The following RORC variants were observed in gnomAD, a reference collection of about 807,000 sequenced individuals.
RORC encodes nuclear receptor ROR-gamma.
A neutral mutation model predicts 64.5 loss-of-function variants in RORC; 13 were observed. That is an observed-to-expected ratio of 0.20 (90% confidence interval 0.13 to 0.32). The LOEUF (loss-of-function observed/expected upper bound fraction) is 0.32, where lower values mean the gene tolerates loss of function less well. Ranked by LOEUF, RORC falls within the 10% of genes least tolerant of loss-of-function variation. RORC has a pLI of 1.00. For synonymous variants in RORC, 277 were observed against 259.3 expected (o/e 1.07, Z -0.65); for missense variants, 468 against 669.5 (o/e 0.70, Z 3.32).
intron 1 of RORC, chr1:151,831,272 T>C: frequency 4.1e-6 from 2 of 489,592 alleles, no homozygotes; most frequent in Non-Finnish European, 3.3e-6. Context: ...GTTTCTCCAC[T>C]GGTGAATGAA....
At chr1:151,822,162 C>T (rs1292812046) in intron 2 of RORC, among the ~76,000 whole-genome samples, 3 of 152,110 alleles carry the variant, frequency 2.0e-5, no homozygotes, top group East Asian at 1.9e-4. Context: ...CGATCCCCAC[C>T]GAGACCACAG....
At chr1:151,814,004 G>A (rs112583763) in intron 6 of RORC, 2,838 of 211,922 alleles carry the variant, frequency 0.013, 27 homozygotes, top group Non-Finnish European at 0.018. Flanking sequence ...TGTGTTTAGA[G>A]CAGGTGGTAT....
At chr1:151,818,725 A>G (rs1247428525) in intron 2 of RORC, among the ~76,000 whole-genome samples, 1 of 152,146 alleles carries the variant, frequency 6.6e-6, no homozygotes, top group African/African-American at 2.4e-5. Context: ...CTTTTAATCT[A>G]TGACGTGTCT....
intron 4 of RORC, among the ~76,000 whole-genome samples, 174 bp downstream of exon 4, chr1:151,816,490 G>C (rs1651758998): frequency 6.6e-6 from 1 of 152,206 alleles, no homozygotes; most frequent in Non-Finnish European, 1.5e-5. Flanking sequence ...AACTTTGATG[G>C]GGGTGACCCA....
At chr1:151,809,096 A>G (rs1651419742) in intron 10 of RORC, among the ~76,000 whole-genome samples, 1 of 152,138 alleles carries the variant, frequency 6.6e-6, no homozygotes, top group South Asian at 2.1e-4. Context: ...CAGCTACAGG[A>G]GGGCTGAGAA....
At chr1:151,817,880 T>A (rs949003965) in intron 2 of RORC, among the ~76,000 whole-genome samples, 1 of 152,236 alleles carries the variant, frequency 6.6e-6, no homozygotes, top group Non-Finnish European at 1.5e-5. Context: ...ACCCCAGCTC[T>A]GCTGGATGCC....
At position 151,815,098 on chromosome 1, in the gene RORC, C is replaced by T; in HGVS notation, c.626G>A (p.Gly209Asp). Residue 209 changes from glycine to aspartate, a missense_variant, in exon 5 of 11, where the codon GGC (glycine) becomes GAC (aspartate). By Grantham distance (94) the Gly-to-Asp change is moderately conservative. Around this residue, in one of 5 missense-constraint regions of RORC, gnomAD observed 241 missense variants for 295.5 expected, o/e 0.82. Transcript: ENST00000318247. ...SCHLEYSPER[G>D]KAEGRESFYS... ...GAAGCTCTCTCTGCCCTCAGCCTTG[C>T]CCCGCTCAGGGCTGTATTCAAGGTG... 1 of 1,614,232 alleles carries T rather than the reference C, an allele frequency of 6.2e-7. No homozygotes were observed. Among genetic ancestry groups the T allele is most frequent in the Non-Finnish European group, 8.5e-7 (1 of 1,180,040 alleles).
In RORC at chr1:151,810,634, C is replaced by T. The variant is rs148520939; in HGVS notation, c.1395+691G>A. On this transcript the variant is annotated intron_variant, in intron 10 of 10. Transcript: ENST00000318247. Reference sequence around the variant, plus strand: ...GCAACATCTGCCTCCCGGTTTCAAGCGATTATCCTGCCTCAGCCTCCCAAG... The same window carrying T: ...GCAACATCTGCCTCCCGGTTTCAAGTGATTATCCTGCCTCAGCCTCCCAAG... Among the ~76,000 whole-genome samples, 64 of 151,678 alleles carry T rather than the reference C, an allele frequency of 4.2e-4. 1 individual carries two copies. Among genetic ancestry groups the T allele is most frequent in the African/African-American group, 1.2e-3 (51 of 41,316 alleles).
intron 2 of RORC, among the ~76,000 whole-genome samples, chr1:151,819,136 A>T (rs1354799389): frequency 6.6e-6 from 1 of 152,120 alleles, no homozygotes; most frequent in African/African-American, 2.4e-5. Context: ...CTTTCCAGTA[A>T]ATTAAGAGCA....
At chr1:151,825,696 T>C (rs1311180249) in intron 2 of RORC, among the ~76,000 whole-genome samples, 6 of 152,114 alleles carry the variant, frequency 3.9e-5, no homozygotes, top group Non-Finnish European at 7.4e-5. Context: ...TGGAGGTTCT[T>C]TTTGGAACTC....
At chr1:151,825,260 T>C (rs1005202609) in intron 2 of RORC, among the ~76,000 whole-genome samples, 1 of 151,452 alleles carries the variant, frequency 6.6e-6, no homozygotes, top group Admixed American at 6.6e-5. Flanking sequence ...CACACACACA[T>C]ACACACACAC....
intron 7 of RORC, 57 bp from the exon 8 acceptor site, chr1:151,813,403 T>A: frequency 1.2e-6 from 2 of 1,607,518 alleles, no homozygotes; most frequent in South Asian, 2.2e-5. Flanking sequence ...AGGATCTGAC[T>A]CTGTCCCCCT....
At position 151,813,396 on chromosome 1, in the gene RORC, A is replaced by C. The variant is rs1396937774; in HGVS notation, c.1067-50T>G. The C allele has an allele frequency of 3.1e-6, 5 of 1,607,896 alleles. No homozygotes were observed. The African/African-American group carries it at 4.0e-5, about 13-fold the overall frequency. On this transcript the variant is annotated intron_variant, in intron 7 of 10. Transcript: ENST00000318247. ...AGGGACAGTGTCAAGCAAAGCCAGG[A>C]TCTGACTCTGTCCCCCTGATTTCCT... is the stretch of plus-strand genomic sequence containing the variant.
At chr1:151,831,658 C>T in intron 1 of RORC, 67 bp downstream of exon 1, 3 of 1,608,534 alleles carry the variant, frequency 1.9e-6, no homozygotes, top group Non-Finnish European at 8.5e-7. Flanking sequence ...AGTCTCTTGC[C>T]ATTTCTGCCC....
At chr1:151,825,791 C>G (rs955469810) in intron 2 of RORC, 3 of 975,648 alleles carry the variant, frequency 3.1e-6, no homozygotes, top group African/African-American at 3.3e-5. Context: ...CCACCCATCT[C>G]CCAACAGATC....
In RORC at chr1:151,830,831, G is replaced by T; in HGVS notation, c.40+894C>A. The T allele has an allele frequency of 4.8e-6, 3 of 627,232 alleles. No homozygotes were observed. Among genetic ancestry groups the T allele is most frequent in the South Asian group, 2.3e-5 (1 of 43,924 alleles). The allele number at this position is 627,232 out of a possible 1,614,324, so 38.9% of individuals were successfully genotyped here. A position where few individuals can be genotyped will look rare whatever the true frequency, so the allele number is the denominator to read the frequency against. ...CGCCCACCTCCCCTTGCTCCTGCCT[G>T]GCCCCACCCAGCTTCCTCCCTGACG... On this transcript the variant is annotated intron_variant, in intron 1 of 10. Transcript: ENST00000318247. This position sits in a 1 kb window ranked among gnomAD's most constrained non-coding sequence, Gnocchi z 4.0.
At chr1:151,825,820 C>T in intron 2 of RORC, 2 of 1,337,022 alleles carry the variant, frequency 1.5e-6, no homozygotes, top group African/African-American at 1.4e-5. Context: ...GACCAGGACG[C>T]ACCCTGCTTT....
chr1:151,807,033 A>C lies in RORC; in HGVS notation c.*439T>G, dbSNP rs1651338324. Reference sequence around the variant, plus strand: ...GTCTCTGAGCTTGATCCATCTCCCCAAGCCGAAGCCCAAAGGGAAATGCAA... The same window carrying C: ...GTCTCTGAGCTTGATCCATCTCCCCCAGCCGAAGCCCAAAGGGAAATGCAA... On this transcript the variant is annotated 3_prime_UTR_variant, in exon 11 of 11. Transcript: ENST00000318247. The surrounding 1 kb of genome is among the most constrained non-coding windows in gnomAD (Gnocchi z 5.0). 6.5e-6 allele frequency: 1 copy of C among 154,856 alleles called. No individual in the cohort carries two copies. The highest frequency in any genetic ancestry group is 2.4e-5 in the African/African-American group (1 of 41,446). The allele number at this position is 154,856 out of a possible 1,614,324, so 9.6% of individuals were successfully genotyped here.
Position 151,822,795 on chromosome 1 carries a change from C to T in RORC, c.71-5515G>A, listed in dbSNP as rs545310690. Among the ~76,000 whole-genome samples, 5 of 152,352 alleles carry T rather than the reference C, an allele frequency of 3.3e-5. 1 individual carries two copies. Among genetic ancestry groups the T allele is most frequent in the African/African-American group, 1.2e-4 (5 of 41,584 alleles). The stretch of plus-strand genomic sequence containing the variant: ...CCTCCCCCGAAATAGACATCTCCAT[C>T]CTTTTTGAGCCTCAGAGCCCCAGGG... On this transcript the variant is annotated intron_variant, in intron 2 of 10. Transcript: ENST00000318247.
Sources: gnomAD v4.1 joint callset for allele counts (sites outside exome capture counted in the v4.1 genomes callset) on GRCh38, gnomAD v4.1.1 for gene constraint, gnomAD v4.1.1 regional missense constraint, Gnocchi (gnomAD v3.1) non-coding constraint, MANE v1.5 for transcripts, NCBI Gene and HGNC (gene_info 2026-07-23, HGNC 2026-07-21) for gene names.